Variants in AMBP observed in about 807,000 individuals in gnomAD.
AMBP encodes protein AMBP.
In AMBP, 37 loss-of-function variants were observed where a neutral mutation model predicts 46.3. That is an observed-to-expected ratio of 0.80 (90% CI 0.61 to 1.05). The LOEUF is 1.05. Ranked by LOEUF, AMBP falls within the 50% of genes least tolerant of loss-of-function variation. The pLI is 0.00. For synonymous variants in AMBP, 174 were observed against 175.9 expected (o/e 0.99, Z 0.09); for missense variants, 475 against 461.2 (o/e 1.03, Z -0.27).
rs779519374 is a variant in AMBP, at chr9:114,061,737, G to C, written c.686-146C>G. On this transcript the variant is annotated intron_variant, in intron 7 of 9. Transcript: ENST00000265132. ...GATAAGCAAACTGACTCTCAGAGAG[G>C]TGAAGTAACTTGGCCGGGGTCACAT... 69 of 1,028,882 alleles carry C rather than the reference G, an allele frequency of 6.7e-5. 1 individual carries two copies. In the East Asian group the frequency reaches 1.0e-3, roughly 15 times the overall value. 63.7% of individuals were successfully genotyped at this position (1,028,882 alleles called of 1,614,324 possible).
chr9:114,075,530 T>A (rs957450373), intron 2 of AMBP, among the ~76,000 whole-genome samples: 2 of 152,248 alleles, frequency 1.3e-5, no homozygotes, highest in Non-Finnish European at 2.9e-5. Context: ...TAGCTATTAT[T>A]GTTACAATGA....
intron 5 of AMBP, 89 bp from the exon 6 acceptor site, chr9:114,069,834 G>C: frequency 7.1e-7 from 1 of 1,412,034 alleles, no homozygotes; most frequent in Non-Finnish European, 1.0e-6. Flanking sequence ...GGTGAGCATC[G>C]TGCTGGGAAC....
chr9:114,065,577 G>A (rs1176620580), intron 6 of AMBP, among the ~76,000 whole-genome samples: 2 of 152,016 alleles, frequency 1.3e-5, no homozygotes, highest in Non-Finnish European at 2.9e-5. Context: ...GGCAGCCCCC[G>A]GAAACACACA....
chr9:114,065,583 A>C (rs1846686169), intron 6 of AMBP, among the ~76,000 whole-genome samples: 1 of 152,152 alleles, frequency 6.6e-6, no homozygotes. Context: ...CCCCGGAAAC[A>C]CACAGACAGT....
chr9:114,061,075 G>T lies in AMBP; in HGVS notation c.877C>A (p.Arg293=). Residue 293 remains arginine, a synonymous_variant, in exon 9 of 10, where the codon CGG becomes AGG. Transcript: ENST00000265132. The part of the protein sequence containing the change: ...TVAACNLPIV[R]GPCRAFIQLW... The stretch of plus-strand genomic sequence containing the variant: ...TGGATGAAGGCTCGGCAGGGGCCCC[G>T]GACTATGGGGAGATTGCAGGCCGCT... 6.2e-7 allele frequency: 1 copy of T among 1,614,168 alleles called. No homozygotes were observed. Among genetic ancestry groups the T allele is most frequent in the South Asian group, 1.1e-5 (1 of 91,072 alleles).
Position 114,078,231 on chromosome 9 carries a change from G to T in AMBP, c.-22C>A. 1 of 1,605,440 alleles carries T rather than the reference G, an allele frequency of 6.2e-7. No homozygotes were observed. The highest frequency in any genetic ancestry group is 8.5e-7 in the Non-Finnish European group (1 of 1,175,720). ...TCATGGCTATGGGCTCCTCTGCCTT[G>T]GTATATCCCACAGGCTCGGTCTAGC... On this transcript the variant is annotated 5_prime_UTR_variant, in exon 1 of 10. Coordinates refer to ENST00000265132, the MANE Select transcript of AMBP (RefSeq NM_001633.4).
rs753511528 is a variant in AMBP, at chr9:114,078,248, C to T, written c.-39G>A. ...TCTGCCTTGGTATATCCCACAGGCTCGGTCTAGCAACAGAAGGGCCACCGC... is the reference window on the plus strand; with the variant it reads ...TCTGCCTTGGTATATCCCACAGGCTTGGTCTAGCAACAGAAGGGCCACCGC... On this transcript the variant is annotated 5_prime_UTR_variant, in exon 1 of 10. Transcript: ENST00000265132. 2.6e-5 allele frequency: 41 copies of T among 1,586,324 alleles called. No homozygotes were observed. Among genetic ancestry groups the T allele is most frequent in the South Asian group, 6.6e-5 (6 of 90,568 alleles).
At chr9:114,067,636 G>C (rs1388873326) in intron 6 of AMBP, among the ~76,000 whole-genome samples, 1 of 152,086 alleles carries the variant, frequency 6.6e-6, no homozygotes, top group Admixed American at 6.6e-5. Context: ...AGTTTTCCCA[G>C]GCATCTGAAC....
At chr9:114,070,482 C>T (rs1215352411) in intron 5 of AMBP, among the ~76,000 whole-genome samples, 1 of 152,222 alleles carries the variant, frequency 6.6e-6, no homozygotes, top group Non-Finnish European at 1.5e-5. Flanking sequence ...GCCCCCGGAG[C>T]CCACCTCTGG....
In AMBP at chr9:114,077,716, G is replaced by C. The variant is rs572700327; in HGVS notation, c.117+377C>G. 1.2e-3 allele frequency: 257 copies of C among 212,308 alleles called. 1 individual carries two copies. The highest frequency in any genetic ancestry group is 5.5e-3 in the African/African-American group (249 of 44,910). 13.2% of individuals were successfully genotyped at this position (212,308 alleles called of 1,614,324 possible). ...GGGACACAGGAAGAGCTAAGGGAAA[G>C]ATGCCACAGAGAGAGGGGAGTCATT... On this transcript the variant is annotated intron_variant, in intron 1 of 9. Coordinates refer to ENST00000265132, the MANE Select transcript of AMBP (RefSeq NM_001633.4).
At chr9:114,074,363 C>T (rs749916806) in intron 3 of AMBP, among the ~76,000 whole-genome samples, 10 of 152,154 alleles carry the variant, frequency 6.6e-5, no homozygotes, top group African/African-American at 9.7e-5. Flanking sequence ...ATTCATCCAC[C>T]ATCACTCAAT....
chr9:114,066,381 G>C (rs1846694500), intron 6 of AMBP, among the ~76,000 whole-genome samples: 1 of 90,974 alleles, frequency 1.1e-5, no homozygotes, highest in Admixed American at 9.9e-5. Flanking sequence ...GTGCACGTGT[G>C]TGTGTGTGTG....
At chr9:114,069,781 G>A in intron 5 of AMBP, 36 bp from the exon 6 acceptor site, 1 of 1,611,768 alleles carries the variant, frequency 6.2e-7, no homozygotes, top group Non-Finnish European at 8.5e-7. Context: ...GTGAATAACA[G>A]GACCAGGCCC....
At chr9:114,065,174 A>G (rs948265278) in intron 6 of AMBP, among the ~76,000 whole-genome samples, 2 of 152,002 alleles carry the variant, frequency 1.3e-5, no homozygotes, top group African/African-American at 4.8e-5. Flanking sequence ...GACCCCCAAA[A>G]TTCATATACT....
chr9:114,061,418 A>G lies in AMBP; in HGVS notation c.853+6T>C. 1 of 1,613,822 alleles carries G rather than the reference A, an allele frequency of 6.2e-7. No homozygotes were observed. The highest frequency in any genetic ancestry group is 1.1e-5 in the South Asian group (1 of 91,054). On this transcript the variant is annotated splice_donor_region_variant and intron_variant, in intron 8 of 9. Coordinates refer to ENST00000265132, the MANE Select transcript of AMBP (RefSeq NM_001633.4). ...AGAGCGCACAGGGGTGGGGACCCGC[A>G]CTCACCCACAGTTCGGCAGGTCTGC...
At chr9:114,064,147 C>G (rs567613625) in intron 6 of AMBP, among the ~76,000 whole-genome samples, 8 of 152,214 alleles carry the variant, frequency 5.3e-5, no homozygotes, top group African/African-American at 1.9e-4. Context: ...AGCCACTGGC[C>G]GTATGATATA....
At chr9:114,073,103 G>T in intron 4 of AMBP, 77 bp from the exon 5 acceptor site, 1 of 1,352,330 alleles carries the variant, frequency 7.4e-7, no homozygotes, top group Non-Finnish European at 1.0e-6. Context: ...ATTTTGCCCA[G>T]TGATTTTCAC....
chr9:114,070,891 A>G (rs1160838112), intron 5 of AMBP, among the ~76,000 whole-genome samples: 1 of 152,112 alleles, frequency 6.6e-6, no homozygotes. Flanking sequence ...CCTGCAATCC[A>G]TTCCTGGAAG....
chr9:114,061,209 C>T (rs1020755545), intron 8 of AMBP, 111 bp from the exon 9 acceptor site: 2 of 1,431,492 alleles, frequency 1.4e-6, no homozygotes, highest in African/African-American at 2.8e-5. Context: ...CCTCATCCCT[C>T]GTTGACAGAT....
Sources: gnomAD v4.1 joint callset for allele counts (sites outside exome capture counted in the v4.1 genomes callset) on GRCh38, gnomAD v4.1.1 for gene constraint, MANE v1.5 for transcripts, NCBI Gene and HGNC (gene_info 2026-07-23, HGNC 2026-07-21) for gene names.